The following PPP1R14C variants were observed in gnomAD, a reference collection of about 807,000 sequenced individuals.
PPP1R14C encodes the protein protein phosphatase 1 regulatory subunit 14C.
PPP1R14C carries 16 observed loss-of-function variants against 20.4 expected under a neutral mutation model. The observed-to-expected ratio is 0.78, with a 90% CI of 0.53 to 1.19. The LOEUF is 1.19. Ranked by LOEUF, PPP1R14C falls within the 50% of genes most tolerant of loss-of-function variation. PPP1R14C has a pLI of 0.00. For missense variants in PPP1R14C, 211 were observed against 220.1 expected, an observed-to-expected ratio of 0.96 and a Z score of 0.26; for synonymous variants, 91 against 91.0, an observed-to-expected ratio of 1.00 and a Z score of 0.00.
chr6:150,151,939 T>C (rs1479634521), intron 1 of PPP1R14C, among the ~76,000 whole-genome samples: 3 of 151,408 alleles, frequency 2.0e-5, no homozygotes, highest in Non-Finnish European at 4.4e-5. Context: ...GCTAAAAAGG[T>C]GAAACCCCGT....
intron 1 of PPP1R14C, among the ~76,000 whole-genome samples, chr6:150,202,562 G>A (rs1326022001): frequency 6.6e-6 from 1 of 152,206 alleles, no homozygotes; most frequent in African/African-American, 2.4e-5. Flanking sequence ...AAGAAGCTTC[G>A]GCCGACTTTG....
chr6:150,174,028 C>T (rs1011150953), intron 1 of PPP1R14C, among the ~76,000 whole-genome samples: 24 of 151,092 alleles, frequency 1.6e-4, no homozygotes, highest in African/African-American at 4.6e-4. Context: ...CCCCCACCCC[C>T]GAGATTTGTT....
intron 3 of PPP1R14C, among the ~76,000 whole-genome samples, chr6:150,225,783 G>A (rs560643265): frequency 1.3e-5 from 2 of 152,322 alleles, no homozygotes; most frequent in East Asian, 1.9e-4. Flanking sequence ...GTCAGGTTAT[G>A]TATTAAAGCA....
intron 1 of PPP1R14C, among the ~76,000 whole-genome samples, chr6:150,187,015 G>A (rs1385674528): frequency 3.3e-5 from 5 of 150,992 alleles, no homozygotes; most frequent in Non-Finnish European, 7.4e-5. Flanking sequence ...CACTCTTGTC[G>A]CCCAGGCTGG....
Position 150,227,989 on chromosome 6 carries a change from C to T in PPP1R14C, c.423+11133C>T, listed in dbSNP as rs149314780. ...CCTCATCTGCCCCAGGTAAAAGAGC[C>T]GTACGTGCTGGAGCTGGAATAGGAC... On this transcript the variant is annotated intron_variant, in intron 3 of 3. Coordinates refer to ENST00000361131, the MANE Select transcript of PPP1R14C (RefSeq NM_030949.3). Among the ~76,000 whole-genome samples the T allele has an allele frequency of 4.7e-4, 72 of 152,300 alleles. No individual in the cohort carries two copies. The East Asian group carries it at 0.011, about 24-fold the overall frequency.
At chr6:150,172,615 C>G (rs372640156) in intron 1 of PPP1R14C, among the ~76,000 whole-genome samples, 9 of 152,192 alleles carry the variant, frequency 5.9e-5, no homozygotes, top group African/African-American at 1.9e-4. Flanking sequence ...TCTTATGAAG[C>G]CTTGGTTTAT....
intron 1 of PPP1R14C, among the ~76,000 whole-genome samples, chr6:150,189,469 G>T (rs150326622): frequency 3.2e-4 from 48 of 151,978 alleles, no homozygotes; most frequent in African/African-American, 1.2e-3. Flanking sequence ...CACTGTTATT[G>T]GATTTGAGCG....
chr6:150,204,131 ACT>A (rs1209010232), intron 1 of PPP1R14C, among the ~76,000 whole-genome samples: 1 of 152,224 alleles, frequency 6.6e-6, no homozygotes, highest in Non-Finnish European at 1.5e-5. Context: ...CCGCCTGGCC[ACT>A]GTGTCCAGTG....
intron 1 of PPP1R14C, among the ~76,000 whole-genome samples, chr6:150,211,486 A>G (rs1445635714): frequency 6.6e-6 from 1 of 152,158 alleles, no homozygotes; most frequent in South Asian, 2.1e-4. Context: ...CCCAAACACA[A>G]CTAAGCTCTG....
chr6:150,232,447 T>C (rs1205924181), intron 3 of PPP1R14C, among the ~76,000 whole-genome samples: 1 of 152,242 alleles, frequency 6.6e-6, no homozygotes, highest in Non-Finnish European at 1.5e-5. Flanking sequence ...ATTAATGACA[T>C]CTTTGGCTTG....
intron 2 of PPP1R14C, among the ~76,000 whole-genome samples, chr6:150,216,229 C>T (rs1278775138): frequency 6.6e-6 from 1 of 152,238 alleles, no homozygotes; most frequent in Non-Finnish European, 1.5e-5. Flanking sequence ...GGCATGGTAG[C>T]TCACGCCTGT....
intron 1 of PPP1R14C, among the ~76,000 whole-genome samples, chr6:150,160,031 A>T (rs1300101480): frequency 6.6e-6 from 1 of 152,072 alleles, no homozygotes; most frequent in African/African-American, 2.4e-5. Context: ...TGTTTTTCTC[A>T]TGATTAGACT....
At chr6:150,183,955 C>T (rs914258201) in intron 1 of PPP1R14C, among the ~76,000 whole-genome samples, 3 of 152,188 alleles carry the variant, frequency 2.0e-5, no homozygotes, top group African/African-American at 7.2e-5. Context: ...GCTTACTTTC[C>T]GACAGTTCAC....
chr6:150,145,217 G>T (rs1777168704), intron 1 of PPP1R14C, among the ~76,000 whole-genome samples: 1 of 152,214 alleles, frequency 6.6e-6, no homozygotes, highest in South Asian at 2.1e-4. Context: ...TGTTTCCTGT[G>T]TGGAACATGT....
At chr6:150,235,809 C>T (rs1778352760) in intron 3 of PPP1R14C, among the ~76,000 whole-genome samples, 1 of 152,146 alleles carries the variant, frequency 6.6e-6, no homozygotes, top group African/African-American at 2.4e-5. Flanking sequence ...TTTATTGTCC[C>T]CTTGGGAAGA....
chr6:150,178,214 C>T (rs1777584351), intron 1 of PPP1R14C, among the ~76,000 whole-genome samples: 1 of 152,212 alleles, frequency 6.6e-6, no homozygotes, highest in Non-Finnish European at 1.5e-5. Context: ...TTACTGTGAC[C>T]TTTCTTGGGC....
At chr6:150,233,274 T>C (rs549583048) in intron 3 of PPP1R14C, among the ~76,000 whole-genome samples, 49 of 152,246 alleles carry the variant, frequency 3.2e-4, no homozygotes, top group Non-Finnish European at 5.3e-4. Flanking sequence ...GTGGAGAAAG[T>C]ACAGCAAATC....
chr6:150,240,394 T>C (rs1778417381), intron 3 of PPP1R14C, among the ~76,000 whole-genome samples: 1 of 152,196 alleles, frequency 6.6e-6, no homozygotes, highest in Non-Finnish European at 1.5e-5. Flanking sequence ...ACAGATTTGC[T>C]GAAACGAAGG....
At chr6:150,189,479 G>A (rs924447147) in intron 1 of PPP1R14C, among the ~76,000 whole-genome samples, 3 of 151,878 alleles carry the variant, frequency 2.0e-5, no homozygotes, top group Non-Finnish European at 2.9e-5. Flanking sequence ...GGATTTGAGC[G>A]AGAGTCTAGC....
Sources: gnomAD v4.1 joint callset for allele counts (sites outside exome capture counted in the v4.1 genomes callset) on GRCh38, gnomAD v4.1.1 for gene constraint, MANE v1.5 for transcripts, NCBI Gene and HGNC (gene_info 2026-07-23, HGNC 2026-07-21) for gene names.